Variants in ATXN1 observed in about 807,000 individuals in gnomAD.
ATXN1 encodes ataxin-1.
In ATXN1, 8 loss-of-function variants were observed where a neutral mutation model predicts 56.4. That is an observed-to-expected ratio of 0.14 (90% CI 0.08 to 0.26). ATXN1 has a LOEUF of 0.26. Among genes scored for constraint, ATXN1 ranks in the 10% least tolerant of loss-of-function variants. The pLI is 1.00. For missense variants in ATXN1, 987 were observed against 1,106.5 expected (o/e 0.89, Z 1.53); for synonymous variants, 514 against 494.6 (o/e 1.04, Z -0.52).
intron 2 of ATXN1, among the ~76,000 whole-genome samples, chr6:16,717,172 A>G (rs1159532677): frequency 6.6e-6 from 1 of 152,250 alleles, no homozygotes; most frequent in African/African-American, 2.4e-5. Flanking sequence ...TGTCCTCAAA[A>G]GGGCGCCAGG....
At chr6:16,342,162 C>T (rs564542948) in intron 6 of ATXN1, among the ~76,000 whole-genome samples, 1 of 152,130 alleles carries the variant, frequency 6.6e-6, no homozygotes, top group Non-Finnish European at 1.5e-5. Context: ...GGATTACAGG[C>T]GTGAGCCACT....
intron 6 of ATXN1, among the ~76,000 whole-genome samples, chr6:16,386,269 C>T (rs1182495488): frequency 6.6e-6 from 1 of 152,184 alleles, no homozygotes; most frequent in East Asian, 1.9e-4. Flanking sequence ...ATGTCAGCTG[C>T]TTTGAACAAG....
At chr6:16,357,126 A>T (rs74945243) in intron 6 of ATXN1, among the ~76,000 whole-genome samples, 3,302 of 152,326 alleles carry the variant, frequency 0.022, 56 homozygotes, top group Non-Finnish European at 0.034. Context: ...TAGTTATTCC[A>T]TTTATAAAAT....
rs917360393 is a variant in ATXN1 at position 16,463,275 on chromosome 6, C to T, written c.-161+22697G>A. ...GAACTTCAACTTACATCTGCCTCCC[C>T]ACTAACTGGACAGGCACCTGTACCT... On this transcript the variant is annotated intron_variant, in intron 6 of 7. Transcript: ENST00000436367. 2.0e-5 allele frequency among the ~76,000 whole-genome samples: 3 copies of T among 152,310 alleles called. No individual in the cohort carries two copies. In the East Asian group the frequency reaches 5.8e-4, roughly 29 times the overall value.
At chr6:16,404,513 CAA>C (rs1758643516) in intron 6 of ATXN1, among the ~76,000 whole-genome samples, 2 of 152,138 alleles carry the variant, frequency 1.3e-5, no homozygotes, top group African/African-American at 2.4e-5. Flanking sequence ...TGATGGGACT[CAA>C]GAGATGCTGA....
At chr6:16,454,830 G>C (rs1001800979) in intron 6 of ATXN1, among the ~76,000 whole-genome samples, 3 of 152,152 alleles carry the variant, frequency 2.0e-5, no homozygotes, top group African/African-American at 7.2e-5. Flanking sequence ...AGAACCAAGA[G>C]ATTTCTTAAT....
intron 2 of ATXN1, among the ~76,000 whole-genome samples, chr6:16,700,596 T>C (rs1471201272): frequency 6.6e-6 from 1 of 152,118 alleles, no homozygotes; most frequent in Non-Finnish European, 1.5e-5. Context: ...TTCCTTTTCC[T>C]GCCGCGGTTG....
At chr6:16,669,254 G>A (rs994023900) in intron 2 of ATXN1, among the ~76,000 whole-genome samples, 1 of 152,172 alleles carries the variant, frequency 6.6e-6, no homozygotes, top group African/African-American at 2.4e-5. Flanking sequence ...TAATGACTGT[G>A]ATAGACTTTC....
Position 16,328,078 on chromosome 6 carries a change from T to G in ATXN1, c.233A>C (p.His78Pro). The change falls in exon 7 of 8, where the codon CAC (histidine) becomes CCC (proline). Residue 78 changes from histidine to proline, a missense_variant. Physicochemically the swap from His to Pro is moderately conservative, Grantham distance 77 (BLOSUM62 -2). Coordinates refer to ENST00000436367, the MANE Select transcript of ATXN1 (RefSeq NM_001128164.2). This position sits in a 1 kb window ranked among gnomAD's most constrained non-coding sequence, Gnocchi z 6.2. ...ELGLQQGIGLHKALSTGLDYS... is the reference protein window; with the variant it reads ...ELGLQQGIGLPKALSTGLDYS... ...GTCCAGCCCTGTGGACAATGCTTTGTGTAAACCTATTCCCTGTTGTAAACC... is the reference window on the plus strand; with the variant it reads ...GTCCAGCCCTGTGGACAATGCTTTGGGTAAACCTATTCCCTGTTGTAAACC... 6.2e-7 allele frequency: 1 copy of G among 1,611,066 alleles called. No individual in the cohort carries two copies. Among genetic ancestry groups the G allele is most frequent in the Non-Finnish European group, 8.5e-7 (1 of 1,177,826 alleles).
At chr6:16,754,881 A>C (rs1760841789) in intron 1 of ATXN1, 1 of 152,228 alleles carries the variant, frequency 6.6e-6, no homozygotes, top group South Asian at 2.1e-4. Context: ...AGAAGTTGAC[A>C]AAATTCTATT....
At chr6:16,714,909 C>G (rs1166056321) in intron 2 of ATXN1, among the ~76,000 whole-genome samples, 2 of 152,040 alleles carry the variant, frequency 1.3e-5, no homozygotes, top group East Asian at 3.9e-4. Flanking sequence ...GTCACAGAAA[C>G]TGGCTTCCCT....
At chr6:16,403,446 G>A (rs1161830568) in intron 6 of ATXN1, among the ~76,000 whole-genome samples, 1 of 152,178 alleles carries the variant, frequency 6.6e-6, no homozygotes, top group African/African-American at 2.4e-5. Context: ...GACCTTCTGG[G>A]TTCAAGCAAT....
At chr6:16,752,941 CT>C in intron 2 of ATXN1, 1 of 260,810 alleles carries the variant, frequency 3.8e-6, no homozygotes. Context: ...TTAAGGAAAA[CT>C]GACAATTAAA....
At chr6:16,747,971 T>C (rs763518083) in intron 2 of ATXN1, among the ~76,000 whole-genome samples, 1 of 152,136 alleles carries the variant, frequency 6.6e-6, no homozygotes, top group South Asian at 2.1e-4. Context: ...GAGAGACAAA[T>C]AGTTCATATC....
intron 4 of ATXN1, among the ~76,000 whole-genome samples, chr6:16,562,091 T>A (rs183592076): frequency 2.0e-5 from 3 of 152,034 alleles, no homozygotes; most frequent in African/African-American, 7.2e-5. Context: ...CAGAAACAAA[T>A]AGGCTGATGC....
chr6:16,513,340 A>G (rs1761117299), intron 5 of ATXN1, among the ~76,000 whole-genome samples: 1 of 152,244 alleles, frequency 6.6e-6, no homozygotes, highest in East Asian at 1.9e-4. Context: ...AAAGTACATC[A>G]AAAGAATATA....
chr6:16,658,343 T>G (rs1429463666), intron 2 of ATXN1, among the ~76,000 whole-genome samples: 1 of 152,240 alleles, frequency 6.6e-6, no homozygotes, highest in Admixed American at 6.5e-5. Flanking sequence ...TGTGAATACT[T>G]TTTAAATAAA....
chr6:16,671,466 C>CT (rs1215235178), intron 2 of ATXN1, among the ~76,000 whole-genome samples: 2 of 152,224 alleles, frequency 1.3e-5, no homozygotes, highest in Admixed American at 6.5e-5. Context: ...ATTTTGAACT[C>CT]TAAGTGTCTA....
chr6:16,589,534 A>G (rs1762686444), intron 3 of ATXN1, among the ~76,000 whole-genome samples: 1 of 152,074 alleles, frequency 6.6e-6, no homozygotes, highest in African/African-American at 2.4e-5. Flanking sequence ...CGATTAATAG[A>G]GAATGTTATT....
Sources: gnomAD v4.1 joint callset for allele counts (sites outside exome capture counted in the v4.1 genomes callset) on GRCh38, gnomAD v4.1.1 for gene constraint, Gnocchi (gnomAD v3.1) non-coding constraint, MANE v1.5 for transcripts, NCBI Gene and HGNC (gene_info 2026-07-23, HGNC 2026-07-21) for gene names.